The following SCHIP1 variants were observed in gnomAD, a reference collection of about 807,000 sequenced individuals.
The protein encoded by SCHIP1 is schwannomin interacting protein 1.
A neutral mutation model predicts 29.7 loss-of-function variants in SCHIP1; 8 were observed. That is an observed-to-expected ratio of 0.27 (90% CI 0.16 to 0.49). The LOEUF (loss-of-function observed/expected upper bound fraction) is 0.49, where lower values mean the gene tolerates loss of function less well. SCHIP1 is among the 20% of genes least tolerant of loss of function. The pLI, the probability that SCHIP1 is intolerant of heterozygous loss-of-function variation, is 0.99. For missense variants in SCHIP1, 193 were observed against 294.6 expected (o/e 0.66, Z 2.52); for synonymous variants, 76 against 94.9 (o/e 0.80, Z 1.16).
At chr3:159,305,711 T>G in the SCHIP1 span, among the ~76,000 whole-genome samples, 27 of 152,230 alleles carry the variant, frequency 1.8e-4, no homozygotes, top group Non-Finnish European at 3.8e-4. Context: ...TTATCTTATA[T>G]AATCCTCATA....
chr3:159,862,921 G>C (rs1049471897), intron 1 of SCHIP1, among the ~76,000 whole-genome samples: 2 of 152,004 alleles, frequency 1.3e-5, no homozygotes, highest in Admixed American at 6.5e-5. Context: ...AGCTTTTTTC[G>C]AGAGCAATGT....
At chr3:159,369,350 G>T in the SCHIP1 span, among the ~76,000 whole-genome samples, 1 of 151,864 alleles carries the variant, frequency 6.6e-6, no homozygotes, top group South Asian at 2.1e-4. Flanking sequence ...TTTCAATAAT[G>T]CCAATTTAGC....
chr3:159,672,976 TGA>T, the SCHIP1 span, among the ~76,000 whole-genome samples: 519 of 152,290 alleles, frequency 3.4e-3, 5 homozygotes, highest in African/African-American at 0.012. Flanking sequence ...ACCACAGGAA[TGA>T]GAGAGTCTCT....
the SCHIP1 span, among the ~76,000 whole-genome samples, chr3:159,656,528 A>G: frequency 7.9e-5 from 12 of 152,074 alleles, no homozygotes; most frequent in Non-Finnish European, 1.6e-4. Context: ...AATGTTAGAC[A>G]TCCTATACAA....
At chr3:159,683,230 T>G in the SCHIP1 span, among the ~76,000 whole-genome samples, 149 of 152,050 alleles carry the variant, frequency 9.8e-4, 1 homozygote, top group Non-Finnish European at 9.4e-4. Flanking sequence ...TTTATATTTT[T>G]TAGTAGAGAT....
At chr3:159,598,346 C>T in the SCHIP1 span, among the ~76,000 whole-genome samples, 1 of 152,140 alleles carries the variant, frequency 6.6e-6, no homozygotes, top group Non-Finnish European at 1.5e-5. Context: ...CACCTATGAA[C>T]CTGTAATATC....
the SCHIP1 span, among the ~76,000 whole-genome samples, chr3:159,346,129 G>T: frequency 2.0e-5 from 3 of 151,378 alleles, no homozygotes; most frequent in East Asian, 3.9e-4. Context: ...GGGAGAGGAG[G>T]TTGTGTCAAG....
At chr3:159,399,210 G>A in the SCHIP1 span, among the ~76,000 whole-genome samples, 2 of 152,068 alleles carry the variant, frequency 1.3e-5, no homozygotes, top group South Asian at 4.1e-4. Context: ...CCTTCTCAAT[G>A]TGGCCTTACC....
the SCHIP1 span, among the ~76,000 whole-genome samples, chr3:159,382,315 T>A: frequency 6.7e-6 from 1 of 150,348 alleles, no homozygotes. Flanking sequence ...TGTCCATGTG[T>A]TCTCATTGTT....
At chr3:159,842,468 AAC>A (rs754396852) in intron 1 of SCHIP1, among the ~76,000 whole-genome samples, 11 of 152,184 alleles carry the variant, frequency 7.2e-5, no homozygotes, top group East Asian at 1.9e-4. Context: ...GTCTATTTTC[AAC>A]ACAGTTTCCA....
chr3:159,544,049 G>A, the SCHIP1 span, among the ~76,000 whole-genome samples: 12 of 152,106 alleles, frequency 7.9e-5, no homozygotes, highest in Middle Eastern at 6.8e-3. Context: ...GCTCTACCAG[G>A]TCACTTCCCA....
the SCHIP1 span, among the ~76,000 whole-genome samples, chr3:159,541,523 G>T: frequency 6.6e-6 from 1 of 151,990 alleles, no homozygotes; most frequent in Non-Finnish European, 1.5e-5. Flanking sequence ...CTGTGAAAAG[G>T]TGACCTATTT....
chr3:159,363,348 CT>C, the SCHIP1 span, among the ~76,000 whole-genome samples: 2 of 152,218 alleles, frequency 1.3e-5, no homozygotes, highest in South Asian at 2.1e-4. Context: ...AAAATTTCCT[CT>C]TTTGTAAAGA....
the SCHIP1 span, among the ~76,000 whole-genome samples, chr3:159,339,628 G>T: frequency 6.6e-6 from 1 of 152,148 alleles, no homozygotes; most frequent in East Asian, 1.9e-4. Flanking sequence ...GTGCCTTCAT[G>T]CATTGACTTA....
chr3:159,629,225 C>T, the SCHIP1 span, among the ~76,000 whole-genome samples: 35 of 151,958 alleles, frequency 2.3e-4, no homozygotes, highest in Admixed American at 9.2e-4. Context: ...GCTGCAGTGA[C>T]CTGTGATCAA....
chr3:159,464,713 G>A, the SCHIP1 span, among the ~76,000 whole-genome samples: 2 of 152,122 alleles, frequency 1.3e-5, no homozygotes, highest in South Asian at 2.1e-4. Flanking sequence ...ATTACCCACG[G>A]AGCTTGAATC....
chr3:159,566,061 A>G, the SCHIP1 span, among the ~76,000 whole-genome samples: 5 of 152,230 alleles, frequency 3.3e-5, no homozygotes, highest in Admixed American at 3.3e-4. Context: ...AGGAGATTAC[A>G]TAATATTTAA....
At chr3:159,365,627 G>C in the SCHIP1 span, among the ~76,000 whole-genome samples, 1 of 152,152 alleles carries the variant, frequency 6.6e-6, no homozygotes, top group South Asian at 2.1e-4. Flanking sequence ...TTAGATGGTT[G>C]AGTTGGTTGC....
At chr3:159,765,111 G>C in the SCHIP1 span, 2 of 1,569,748 alleles carry the variant, frequency 1.3e-6, no homozygotes, top group South Asian at 2.3e-5. Context: ...TACGGAACCA[G>C]GGCCAGGCGA....
Sources: gnomAD v4.1 joint callset for allele counts (sites outside exome capture counted in the v4.1 genomes callset) on GRCh38, gnomAD v4.1.1 for gene constraint, MANE v1.5 for transcripts, NCBI Gene and HGNC (gene_info 2026-07-23, HGNC 2026-07-21) for gene names.